The following CADPS variants were observed in gnomAD, a reference collection of about 807,000 sequenced individuals.
CADPS encodes calcium-dependent secretion activator 1.
CADPS carries 57 observed loss-of-function variants against 167.3 expected under a neutral mutation model. The observed-to-expected ratio is 0.34, with a 90% CI of 0.28 to 0.42. The LOEUF is 0.42. Ranked by LOEUF, CADPS falls within the 20% of genes least tolerant of loss-of-function variation. The pLI, the probability that CADPS is intolerant of heterozygous loss-of-function variation, is 1.00. For missense variants in CADPS, 1,414 were observed against 1,738.1 expected, an observed-to-expected ratio of 0.81 and a Z score of 3.32; for synonymous variants, 676 against 635.3, an observed-to-expected ratio of 1.06 and a Z score of -0.96.
At chr3:62,851,230 C>T (rs1313935711) in intron 1 of CADPS, among the ~76,000 whole-genome samples, 1 of 140,892 alleles carries the variant, frequency 7.1e-6, no homozygotes, top group Middle Eastern at 3.6e-3. Context: ...CTTTATCCAA[C>T]TTGCCAGTCT....
At chr3:62,656,089 T>G (rs1375855820) in intron 4 of CADPS, among the ~76,000 whole-genome samples, 1 of 152,162 alleles carries the variant, frequency 6.6e-6, no homozygotes. Flanking sequence ...ACATTTGAAA[T>G]GAGGATAATA....
chr3:62,497,726 T>C (rs1431412723), intron 18 of CADPS, among the ~76,000 whole-genome samples: 2 of 152,184 alleles, frequency 1.3e-5, no homozygotes, highest in African/African-American at 4.8e-5. Context: ...ATATAAATAC[T>C]GTATATATGA....
intron 21 of CADPS, among the ~76,000 whole-genome samples, chr3:62,489,382 G>A (rs2063343019): frequency 6.6e-6 from 1 of 152,130 alleles, no homozygotes; most frequent in Non-Finnish European, 1.5e-5. Context: ...GGATGTTCTC[G>A]ATCCCCTGAC....
rs2059854346 is a variant in CADPS, at chr3:62,465,583, C to T, written c.3553-133G>A. ...ATTTCTGCAGTCTATTATTTGATTC[C>T]CGCCTTCGGAGAAAGGAATAGACTG... On this transcript the variant is annotated intron_variant, in intron 25 of 29. Coordinates refer to ENST00000383710, the MANE Select transcript of CADPS (RefSeq NM_003716.4). The surrounding 1 kb of genome is among the most constrained non-coding windows in gnomAD (Gnocchi z 4.1). The T allele has an allele frequency of 7.1e-6, 4 of 560,306 alleles. No individual in the cohort carries two copies. The highest frequency in any genetic ancestry group is 3.4e-5 in the Admixed American group (1 of 29,838). The allele number at this position is 560,306 out of a possible 1,614,324, so 34.7% of individuals were successfully genotyped here. A position where few individuals can be genotyped will look rare whatever the true frequency, so the allele number is the denominator to read the frequency against.
intron 9 of CADPS, among the ~76,000 whole-genome samples, chr3:62,561,572 A>G (rs760882881): frequency 8.6e-5 from 13 of 152,010 alleles, no homozygotes; most frequent in Non-Finnish European, 1.5e-4. Context: ...ACCTGGCCAG[A>G]TATCTCTTAA....
chr3:62,652,795 A>G (rs1332880151), intron 4 of CADPS, among the ~76,000 whole-genome samples: 4 of 152,192 alleles, frequency 2.6e-5, no homozygotes, highest in Non-Finnish European at 5.9e-5. Context: ...ATCATTTTCT[A>G]ATTTCCACAG....
chr3:62,442,875 C>A (rs762771275), intron 27 of CADPS, among the ~76,000 whole-genome samples: 1 of 152,050 alleles, frequency 6.6e-6, no homozygotes, highest in African/African-American at 2.4e-5. Context: ...ATTTCAGAAG[C>A]AAATGATTAC....
At chr3:62,634,190 G>A (rs532078589) in intron 6 of CADPS, among the ~76,000 whole-genome samples, 4 of 152,262 alleles carry the variant, frequency 2.6e-5, no homozygotes, top group East Asian at 3.9e-4. Flanking sequence ...AGAAATTACC[G>A]TTATGATATA....
intron 24 of CADPS, among the ~76,000 whole-genome samples, chr3:62,467,047 T>C (rs2060025069): frequency 6.6e-6 from 1 of 152,198 alleles, no homozygotes; most frequent in Non-Finnish European, 1.5e-5. Context: ...AGACCACTGC[T>C]AAGTTTTTAA....
intron 1 of CADPS, among the ~76,000 whole-genome samples, chr3:62,856,764 G>C (rs1215999980): frequency 6.6e-6 from 1 of 151,688 alleles, no homozygotes; most frequent in Non-Finnish European, 1.5e-5. Context: ...AGAGCAAATA[G>C]ATTTAATCTA....
intron 3 of CADPS, among the ~76,000 whole-genome samples, chr3:62,683,231 T>C (rs1026403093): frequency 2.6e-5 from 4 of 151,788 alleles, no homozygotes; most frequent in African/African-American, 9.7e-5. Context: ...GGGTGAGACA[T>C]ATTGGGAGGA....
chr3:62,821,024 C>T (rs2094889715), intron 1 of CADPS, among the ~76,000 whole-genome samples: 1 of 152,118 alleles, frequency 6.6e-6, no homozygotes, highest in South Asian at 2.1e-4. Flanking sequence ...TAATCTCAAT[C>T]TCTTGACCTT....
At chr3:62,541,310 C>G (rs536706737) in intron 11 of CADPS, among the ~76,000 whole-genome samples, 1 of 152,256 alleles carries the variant, frequency 6.6e-6, no homozygotes, top group Admixed American at 6.5e-5. Context: ...GGCTCTGCAG[C>G]TAGGGCATAA....
intron 4 of CADPS, among the ~76,000 whole-genome samples, chr3:62,652,404 A>G (rs75059339): frequency 1.5e-5 from 2 of 130,542 alleles, no homozygotes; most frequent in African/African-American, 3.9e-5. Context: ...GTGGCCAAAA[A>G]AAAAAAAAAA....
At position 62,827,591 on chromosome 3, in the gene CADPS, T is replaced by C. The variant is rs145800381; in HGVS notation, c.441+46998A>G. On this transcript the variant is annotated intron_variant, in intron 1 of 29. Coordinates refer to ENST00000383710, the MANE Select transcript of CADPS (RefSeq NM_003716.4). ...AGTTATGCTGTGTATGTTCTGCAGATTTTCCAAGCCTAGATTTCTAAGACT... is the reference window on the plus strand; with the variant it reads ...AGTTATGCTGTGTATGTTCTGCAGACTTTCCAAGCCTAGATTTCTAAGACT... Among the ~76,000 whole-genome samples, 477 of 151,764 alleles carry C rather than the reference T, an allele frequency of 3.1e-3. 8 individuals are homozygous for C. Among genetic ancestry groups the C allele is most frequent in the African/African-American group, 0.011 (457 of 41,404 alleles).
chr3:62,800,110 C>T (rs1018370520), intron 1 of CADPS, among the ~76,000 whole-genome samples: 1 of 152,130 alleles, frequency 6.6e-6, no homozygotes, highest in African/African-American at 2.4e-5. Context: ...AATTACCCCC[C>T]AGGACTTGGG....
intron 1 of CADPS, among the ~76,000 whole-genome samples, chr3:62,867,656 G>C (rs2081947970): frequency 6.6e-6 from 1 of 151,968 alleles, no homozygotes; most frequent in East Asian, 1.9e-4. Flanking sequence ...GATGATAATA[G>C]CAATAATGAA....
chr3:62,466,098 T>C (rs909329498), intron 25 of CADPS, among the ~76,000 whole-genome samples: 1 of 152,178 alleles, frequency 6.6e-6, no homozygotes, highest in African/African-American at 2.4e-5. Context: ...TCATATAACC[T>C]AGCGCAACGT....
At chr3:62,490,235 A>C (rs1030066650) in intron 21 of CADPS, among the ~76,000 whole-genome samples, 1 of 152,172 alleles carries the variant, frequency 6.6e-6, no homozygotes, top group Non-Finnish European at 1.5e-5. Flanking sequence ...ACATCCCTCT[A>C]CTTTGCTCCA....
Sources: gnomAD v4.1 joint callset for allele counts (sites outside exome capture counted in the v4.1 genomes callset) on GRCh38, gnomAD v4.1.1 for gene constraint, Gnocchi (gnomAD v3.1) non-coding constraint, MANE v1.5 for transcripts, NCBI Gene and HGNC (gene_info 2026-07-23, HGNC 2026-07-21) for gene names.